The following RBFOX1 variants were observed in gnomAD, a reference collection of about 807,000 sequenced individuals.
RBFOX1 encodes RNA binding fox-1 homolog 1.
Under a neutral mutation model 57.7 loss-of-function variants are expected in RBFOX1, and 8 were observed. The observed-to-expected ratio is 0.14, with a 90% CI of 0.08 to 0.25. The LOEUF is 0.25. Among genes scored for constraint, RBFOX1 ranks in the 10% least tolerant of loss-of-function variants. The probability of loss-of-function intolerance (pLI) is 1.00; values close to 1 mark genes in which losing one functional copy is unlikely to be tolerated. For missense variants in RBFOX1, 611 were observed against 548.5 expected (o/e 1.11, Z -1.14); for synonymous variants, 326 against 222.4 (o/e 1.47, Z -4.15).
intron 1 of RBFOX1, among the ~76,000 whole-genome samples, chr16:6,189,102 A>T (rs761443926): frequency 6.6e-6 from 1 of 152,214 alleles, no homozygotes; most frequent in Non-Finnish European, 1.5e-5. Flanking sequence ...TACCTGTGCC[A>T]TTCTAAACCA....
At chr16:6,779,584 C>A (rs370592595) in intron 3 of RBFOX1, among the ~76,000 whole-genome samples, 1 of 148,648 alleles carries the variant, frequency 6.7e-6, no homozygotes, top group Non-Finnish European at 1.5e-5. Context: ...TTTTGAAGAA[C>A]CTCCATACTA....
intron 2 of RBFOX1, among the ~76,000 whole-genome samples, chr16:6,562,816 C>G (rs1361182625): frequency 6.9e-6 from 1 of 144,612 alleles, no homozygotes; most frequent in Non-Finnish European, 1.5e-5. Flanking sequence ...CAACTGCAGG[C>G]CTTGATTCTT....
At chr16:7,053,666 A>G (rs886697218) in intron 4 of RBFOX1, among the ~76,000 whole-genome samples, 8 of 152,170 alleles carry the variant, frequency 5.3e-5, no homozygotes, top group Admixed American at 1.3e-4. Flanking sequence ...TTTCCCATTT[A>G]TGAGTCCATT....
intron 1 of RBFOX1, among the ~76,000 whole-genome samples, chr16:6,127,832 TA>T (rs79374088): frequency 3.3e-5 from 5 of 152,218 alleles, no homozygotes; most frequent in Non-Finnish European, 4.4e-5. Flanking sequence ...TTGTAAAACC[TA>T]AAAAAAATTT....
chr16:6,845,638 C>T (rs2141701380), intron 3 of RBFOX1, among the ~76,000 whole-genome samples: 1 of 151,208 alleles, frequency 6.6e-6, no homozygotes, highest in African/African-American at 2.4e-5. Flanking sequence ...TCACTTACGA[C>T]CCTTCATTGG....
intron 2 of RBFOX1, among the ~76,000 whole-genome samples, chr16:6,463,433 C>G (rs1205667346): frequency 3.9e-5 from 6 of 152,022 alleles, no homozygotes; most frequent in African/African-American, 1.5e-4. Flanking sequence ...GACATAGTAA[C>G]GATAAGAATT....
At chr16:6,600,221 G>A (rs2097834674) in intron 2 of RBFOX1, among the ~76,000 whole-genome samples, 1 of 152,156 alleles carries the variant, frequency 6.6e-6, no homozygotes, top group Non-Finnish European at 1.5e-5. Context: ...TAATGGTGGT[G>A]CTGATGAACA....
intron 2 of RBFOX1, among the ~76,000 whole-genome samples, chr16:5,560,740 A>G (rs900824417): frequency 2.0e-5 from 3 of 152,118 alleles, no homozygotes; most frequent in Non-Finnish European, 2.9e-5. Context: ...TGGACCTGCT[A>G]TTGGACTTCT....
intron 3 of RBFOX1, among the ~76,000 whole-genome samples, chr16:5,853,684 C>A (rs967949792): frequency 1.3e-5 from 2 of 152,210 alleles, no homozygotes; most frequent in African/African-American, 4.8e-5. Context: ...ATGTGAAGTC[C>A]TGTAGACGAG....
chr16:7,698,380 A>G (rs1349458590), intron 14 of RBFOX1, among the ~76,000 whole-genome samples: 1 of 152,014 alleles, frequency 6.6e-6, no homozygotes, highest in African/African-American at 2.4e-5. Flanking sequence ...AGGGTCTGCA[A>G]GAAAGCCTTG....
chr16:6,507,734 A>T (rs1421894526), intron 2 of RBFOX1, among the ~76,000 whole-genome samples: 10 of 152,140 alleles, frequency 6.6e-5, no homozygotes, highest in African/African-American at 2.2e-4. Flanking sequence ...AGACACATAC[A>T]GTATGATTCC....
intron 4 of RBFOX1, among the ~76,000 whole-genome samples, chr16:5,919,831 G>T (rs1328519827): frequency 1.3e-5 from 2 of 152,108 alleles, no homozygotes; most frequent in African/African-American, 2.4e-5. Context: ...GATTCACTTT[G>T]CTGGGTATTT....
chr16:6,880,594 C>G (rs1024818622), intron 3 of RBFOX1, among the ~76,000 whole-genome samples: 1 of 152,044 alleles, frequency 6.6e-6, no homozygotes, highest in South Asian at 2.1e-4. Context: ...TCTTTCTGGA[C>G]TGTCTGAAAT....
At chr16:7,270,323 A>G (rs1381452942) in intron 4 of RBFOX1, among the ~76,000 whole-genome samples, 1 of 152,196 alleles carries the variant, frequency 6.6e-6, no homozygotes, top group Non-Finnish European at 1.5e-5. Flanking sequence ...TTTTATGAAA[A>G]ACCAAACAGA....
intron 3 of RBFOX1, among the ~76,000 whole-genome samples, chr16:5,743,838 C>T (rs1230408367): frequency 6.6e-6 from 1 of 152,166 alleles, no homozygotes; most frequent in African/African-American, 2.4e-5. Flanking sequence ...CCACTGCACC[C>T]AGCCTTGCAA....
rs1267853325 is a variant in RBFOX1, at chr16:5,984,967, TA to T, written c.351+117633del. Among the ~76,000 whole-genome samples the T allele has an allele frequency of 7.0e-3, 389 of 55,326 alleles. 3 individuals carry two copies. The highest frequency in any genetic ancestry group is 0.013 in the African/African-American group (148 of 11,590). The allele number at this position is 55,326 out of a possible 152,430, so 36.3% of individuals were successfully genotyped here. ...TCCATTATATATATATATATATATA[TA>T]TATATATATTTTTTTTTTTTTTTTT... On this transcript the variant is annotated intron_variant, in intron 4 of 19. Coordinates refer to the RBFOX1 transcript ENST00000641259.
chr16:7,003,693 G>A (rs2093039935), intron 3 of RBFOX1, among the ~76,000 whole-genome samples: 1 of 152,166 alleles, frequency 6.6e-6, no homozygotes, highest in Non-Finnish European at 1.5e-5. Flanking sequence ...CTTAGTTGAT[G>A]CTGTAATTAT....
intron 10 of RBFOX1, among the ~76,000 whole-genome samples, chr16:7,617,232 G>A (rs774205299): frequency 7.2e-5 from 11 of 152,140 alleles, no homozygotes; most frequent in Non-Finnish European, 1.3e-4. Context: ...TATGATCCCT[G>A]TTTCAACTAC....
At chr16:5,452,417 C>G (rs1390160776) in intron 1 of RBFOX1, among the ~76,000 whole-genome samples, 1 of 151,846 alleles carries the variant, frequency 6.6e-6, no homozygotes, top group African/African-American at 2.4e-5. Context: ...GCTGATTCAT[C>G]CCTCTATTCT....
Sources: gnomAD v4.1 joint callset for allele counts (sites outside exome capture counted in the v4.1 genomes callset) on GRCh38, gnomAD v4.1.1 for gene constraint, MANE v1.5 for transcripts, NCBI Gene and HGNC (gene_info 2026-07-23, HGNC 2026-07-21) for gene names.